Variants in RIMS2 observed in about 807,000 individuals in gnomAD.
The protein encoded by RIMS2 is regulating synaptic membrane exocytosis protein 2.
A neutral mutation model predicts 174.4 loss-of-function variants in RIMS2; 59 were observed. That is an observed-to-expected ratio of 0.34 (90% CI 0.27 to 0.42). The LOEUF (loss-of-function observed/expected upper bound fraction) is 0.42. RIMS2 is among the 10% of genes least tolerant of loss of function. The probability of loss-of-function intolerance (pLI) is 1.00; values close to 1 mark genes in which losing one functional copy is unlikely to be tolerated. For missense variants in RIMS2, 1,620 were observed against 1,666.3 expected, an observed-to-expected ratio of 0.97 and a Z score of 0.48; for synonymous variants, 606 against 572.5, an observed-to-expected ratio of 1.06 and a Z score of -0.84.
At chr8:103,921,197 CCT>C (rs377708985) in intron 9 of RIMS2, among the ~76,000 whole-genome samples, 16 of 151,888 alleles carry the variant, frequency 1.1e-4, no homozygotes, top group African/African-American at 3.6e-4. Context: ...TTTTCATGCC[CCT>C]CACTTCTTTC....
At chr8:103,676,117 G>T (rs2096806666) in intron 1 of RIMS2, among the ~76,000 whole-genome samples, 1 of 152,106 alleles carries the variant, frequency 6.6e-6, no homozygotes, top group African/African-American at 2.4e-5. Flanking sequence ...TTAAACAAAG[G>T]TAAGACTTGT....
intron 19 of RIMS2, among the ~76,000 whole-genome samples, chr8:104,244,495 A>G (rs2099319948): frequency 6.6e-6 from 1 of 152,150 alleles, no homozygotes; most frequent in African/African-American, 2.4e-5. Flanking sequence ...TGGTTCTTTT[A>G]CTATGATTAA....
At position 103,585,171 on chromosome 8, in the gene RIMS2, A is replaced by G. The variant is rs534887857; in HGVS notation, c.176+84109A>G. On this transcript the variant is annotated intron_variant, in intron 1 of 23. Transcript: ENST00000504942. Reference sequence around the variant, plus strand: ...CATCACTGGTCATTAGAGAAGTGCAAATTAAAACCACAATGAGATATCATC... The same window carrying G: ...CATCACTGGTCATTAGAGAAGTGCAGATTAAAACCACAATGAGATATCATC... Among the ~76,000 whole-genome samples the G allele has an allele frequency of 2.0e-5, 3 of 152,318 alleles. No individual in the cohort carries two copies. In the South Asian group the frequency reaches 6.2e-4, roughly 32 times the overall value.
intron 19 of RIMS2, among the ~76,000 whole-genome samples, chr8:104,094,965 A>G (rs2097731640): frequency 6.6e-6 from 1 of 152,120 alleles, no homozygotes; most frequent in Non-Finnish European, 1.5e-5. Context: ...CAAGTTCGTT[A>G]TGAGTAGCTG....
intron 19 of RIMS2, among the ~76,000 whole-genome samples, chr8:104,155,952 T>G (rs1226973615): frequency 2.0e-5 from 3 of 152,178 alleles, no homozygotes; most frequent in African/African-American, 7.2e-5. Context: ...CTACTATTAT[T>G]AACAAGAAAC....
intron 1 of RIMS2, among the ~76,000 whole-genome samples, chr8:103,553,395 A>G (rs1162938027): frequency 3.3e-4 from 50 of 152,000 alleles, no homozygotes; most frequent in Non-Finnish European, 1.8e-4. Flanking sequence ...GAATTTAACA[A>G]TGACAACACT....
intron 19 of RIMS2, among the ~76,000 whole-genome samples, chr8:104,044,739 C>G (rs886581703): frequency 6.6e-6 from 1 of 151,422 alleles, no homozygotes; most frequent in Non-Finnish European, 1.5e-5. Context: ...AAGTTGAAAC[C>G]TGAGCTTTCT....
intron 19 of RIMS2, among the ~76,000 whole-genome samples, chr8:104,233,854 T>G (rs1014538690): frequency 6.6e-6 from 1 of 152,184 alleles, no homozygotes; most frequent in South Asian, 2.1e-4. Context: ...ATTCTGGTAT[T>G]TTAGTTTCTA....
intron 3 of RIMS2, chr8:103,768,552 AAAG>A: frequency 6.7e-7 from 1 of 1,498,624 alleles, no homozygotes; most frequent in Non-Finnish European, 9.3e-7. Flanking sequence ...AGAACTGGAG[AAAG>A]AAAGAGAAAA....
intron 4 of RIMS2, among the ~76,000 whole-genome samples, chr8:103,887,365 TTTTAA>T (rs1357036109): frequency 6.6e-6 from 1 of 151,624 alleles, no homozygotes; most frequent in Non-Finnish European, 1.5e-5. Context: ...TTATCTAGTA[TTTTAA>T]TTTGTTTATT....
intron 1 of RIMS2, among the ~76,000 whole-genome samples, chr8:103,590,988 T>A (rs2094226045): frequency 6.6e-6 from 1 of 150,954 alleles, no homozygotes; most frequent in South Asian, 2.1e-4. Context: ...AGTGCTTTTA[T>A]TTTATACTCC....
intron 1 of RIMS2, among the ~76,000 whole-genome samples, chr8:103,531,922 G>T (rs1415141739): frequency 6.6e-6 from 1 of 151,964 alleles, no homozygotes; most frequent in Non-Finnish European, 1.5e-5. Context: ...GCTACATAAT[G>T]ACAAGAAAAA....
At chr8:103,696,809 G>GCCAAGATC (rs1187036524) in intron 1 of RIMS2, among the ~76,000 whole-genome samples, 5 of 132,644 alleles carry the variant, frequency 3.8e-5, no homozygotes, top group Non-Finnish European at 6.1e-5. Context: ...GTTGCAGCGA[G>GCCAAGATC]CCAAGATCGC....
At chr8:103,697,411 AT>A in intron 2 of RIMS2, 115 bp downstream of exon 4, 2 of 864,414 alleles carry the variant, frequency 2.3e-6, no homozygotes, top group Non-Finnish European at 1.9e-6. Context: ...TAGCAAAAAC[AT>A]TTTAAAATGC....
rs189577685 is a variant in RIMS2, at chr8:103,661,402, T to C, written c.177-35684T>C. On this transcript the variant is annotated intron_variant, in intron 1 of 23. Transcript: ENST00000504942. ...AGAATTTTGGAGTTATTTGTGAAAG[T>C]AAAGTACTTCAGCTACTTCAAAATA... Among the ~76,000 whole-genome samples the C allele has an allele frequency of 1.5e-3, 226 of 152,352 alleles. 1 individual carries two copies. Among genetic ancestry groups the C allele is most frequent in the Admixed American group, 3.2e-3 (49 of 15,304 alleles).
chr8:103,737,399 C>T (rs1482195496), intron 2 of RIMS2, among the ~76,000 whole-genome samples: 1 of 151,760 alleles, frequency 6.6e-6, no homozygotes, highest in Non-Finnish European at 1.5e-5. Flanking sequence ...GTTGGCCAGG[C>T]TTGTCTCAAA....
At chr8:103,976,548 C>CTTTTTTTTTTTTTTTTTT (rs768820871) in intron 16 of RIMS2, 39 of 124,548 alleles carry the variant, frequency 3.1e-4, no homozygotes, top group Non-Finnish European at 4.1e-4. Context: ...TTTTCTTTTT[C>CTTTTTTTTTTTTTTTTTT]TTTTTTTTTT....
chr8:103,599,728 G>A (rs913975858), intron 1 of RIMS2, among the ~76,000 whole-genome samples: 1 of 151,934 alleles, frequency 6.6e-6, no homozygotes, highest in Non-Finnish European at 1.5e-5. Context: ...GGGATTACAG[G>A]CATGAGCCAC....
At chr8:103,705,986 T>G (rs2097220478) in intron 2 of RIMS2, among the ~76,000 whole-genome samples, 1 of 152,062 alleles carries the variant, frequency 6.6e-6, no homozygotes, top group African/African-American at 2.4e-5. Flanking sequence ...TCTTCCTTCT[T>G]TCCTACTGTC....
Sources: allele counts gnomAD v4.1 joint callset (sites outside exome capture counted in the v4.1 genomes callset), GRCh38; gene constraint gnomAD v4.1.1; transcripts MANE v1.5; gene names NCBI Gene and HGNC (gene_info 2026-07-23, HGNC 2026-07-21).